DNAJC7: variants seen among roughly 807,000 people sequenced by gnomAD.
DNAJC7 encodes the protein DnaJ heat shock protein family (Hsp40) member C7.
Under a neutral mutation model 67.4 loss-of-function variants are expected in DNAJC7, and 18 were observed. The ratio of observed to expected loss-of-function variants is 0.27; its 90% CI spans 0.18 to 0.40. The LOEUF is 0.40. DNAJC7 is among the 10% of genes least tolerant of loss of function. DNAJC7 has a pLI of 1.00. For synonymous variants in DNAJC7, 220 were observed against 207.8 expected (o/e 1.06, Z -0.50); for missense variants, 419 against 613.8 (o/e 0.68, Z 3.35).
Position 42,000,553 on chromosome 17 carries a change from T to C in DNAJC7, c.95A>G (p.Lys32Arg). 6.2e-7 allele frequency: 1 copy of C among 1,610,930 alleles called. No individual in the cohort carries two copies. Among genetic ancestry groups the C allele is most frequent in the Non-Finnish European group, 8.5e-7 (1 of 1,178,410 alleles). ...QEAKREAETF[K>R]EQGNAYYAKK... ...GGCATAGTATGCATTTCCTTGTTCCTTGAAAGTCTCTGCTTCCCTGAAAAT... is the reference window on the plus strand; with the variant it reads ...GGCATAGTATGCATTTCCTTGTTCCCTGAAAGTCTCTGCTTCCCTGAAAAT... The change falls in exon 2 of 14, where the codon AAG becomes AGG. Residue 32 changes from lysine (K) to arginine (R), a missense_variant. Transcript: ENST00000457167.
intron 1 of DNAJC7, among the ~76,000 whole-genome samples, chr17:42,008,260 C>T (rs1371486316): frequency 2.0e-5 from 3 of 146,744 alleles, no homozygotes; most frequent in South Asian, 2.2e-4. Flanking sequence ...TGCAGTGAGC[C>T]GAGACTGTGC....
At chr17:41,997,055 G>A in intron 3 of DNAJC7, 60 bp downstream of exon 3, 2 of 1,609,586 alleles carry the variant, frequency 1.2e-6, no homozygotes, top group East Asian at 2.2e-5. Flanking sequence ...GAAATACGGG[G>A]CTAGAGAAAC....
chr17:41,999,702 A>G (rs916222731), intron 2 of DNAJC7, among the ~76,000 whole-genome samples: 2 of 151,578 alleles, frequency 1.3e-5, no homozygotes, highest in Non-Finnish European at 2.9e-5. Flanking sequence ...TGTATTTTGT[A>G]GAGACAGGGT....
rs782501691 is a variant in DNAJC7 at position 41,987,805 on chromosome 17, T to C, written c.1010+14A>G. 106 of 1,596,894 alleles carry C rather than the reference T, an allele frequency of 6.6e-5. No homozygotes were observed. The highest frequency in any genetic ancestry group is 8.5e-5 in the Non-Finnish European group (99 of 1,170,616). ...GGCAACTCCCTCTTCCCCCTACCCA[T>C]CAGAGGCACTTACCACTGAGCTCTT... On this transcript the variant is annotated intron_variant, in intron 9 of 13. Transcript: ENST00000457167.
intron 13 of DNAJC7, 131 bp downstream of exon 13, chr17:41,977,130 A>G: frequency 1.1e-6 from 1 of 929,562 alleles, no homozygotes; most frequent in Non-Finnish European, 1.6e-6. Context: ...CCGAGTGGAT[A>G]GATGCCCTGC....
chr17:41,977,208 T>C, intron 13 of DNAJC7, 53 bp downstream of exon 13: 9 of 1,535,200 alleles, frequency 5.9e-6, no homozygotes, highest in Non-Finnish European at 8.0e-6. Context: ...TAAGAGGCAA[T>C]GAGTGTGTTG....
At position 41,976,565 on chromosome 17, in the gene DNAJC7, G is replaced by T; in HGVS notation, c.*168C>A. ...TCCCCTGCCCTCGGTCTTCGGCATT[G>T]GTTCCCTTTGCTCCACCCCACTCAC... is the stretch of plus-strand genomic sequence containing the variant. On this transcript the variant is annotated 3_prime_UTR_variant, in exon 14 of 14. Coordinates refer to ENST00000457167, the MANE Select transcript of DNAJC7 (RefSeq NM_003315.4). 2.4e-5 allele frequency: 18 copies of T among 743,692 alleles called. No individual in the cohort carries two copies. The highest frequency in any genetic ancestry group is 6.9e-5 in the East Asian group (2 of 28,920). 46.1% of individuals were successfully genotyped at this position (743,692 alleles called of 1,614,324 possible).
chr17:41,992,187 T>C (rs1001717286), intron 5 of DNAJC7, among the ~76,000 whole-genome samples: 5 of 152,126 alleles, frequency 3.3e-5, no homozygotes, highest in Non-Finnish European at 7.4e-5. Flanking sequence ...TTTTGTTTTT[T>C]TTGAGATGGA....
At chr17:42,013,763 A>T (rs1390290933) in intron 1 of DNAJC7, 1 of 152,240 alleles carries the variant, frequency 6.6e-6, no homozygotes, top group African/African-American at 2.4e-5. Flanking sequence ...AATCATACAT[A>T]AACAAGGCTT....
intron 5 of DNAJC7, among the ~76,000 whole-genome samples, chr17:41,991,730 G>A (rs1335958552): frequency 6.6e-6 from 1 of 152,140 alleles, no homozygotes; most frequent in Non-Finnish European, 1.5e-5. Context: ...TCAGGCTGGA[G>A]TATCAGTGGC....
At chr17:42,003,949 A>ATTT in intron 1 of DNAJC7, among the ~76,000 whole-genome samples, 3 of 46,350 alleles carry the variant, frequency 6.5e-5, no homozygotes, top group South Asian at 1.5e-3. Context: ...GAAGATTTTC[A>ATTT]ATTTTTTTTT....
chr17:41,996,184 C>T (rs1399387494), intron 4 of DNAJC7, 127 bp downstream of exon 4: 23 of 820,594 alleles, frequency 2.8e-5, no homozygotes, highest in Admixed American at 5.1e-5. Context: ...CTATGAAACT[C>T]GCCTAAAGTC....
chr17:42,016,887 G>A, intron 1 of DNAJC7: 7 of 974,586 alleles, frequency 7.2e-6, no homozygotes, highest in Non-Finnish European at 7.6e-6. Context: ...GTGATCGCTG[G>A]GGTATAATTA....
intron 1 of DNAJC7, among the ~76,000 whole-genome samples, chr17:42,004,707 A>G (rs1356018020): frequency 6.6e-6 from 1 of 152,176 alleles, no homozygotes; most frequent in African/African-American, 2.4e-5. Context: ...TTGCTATTTT[A>G]AAATGTATTT....
At chr17:41,997,359 G>A (rs2143245588) in intron 2 of DNAJC7, 120 bp from the exon 3 acceptor site, 2 of 1,299,122 alleles carry the variant, frequency 1.5e-6, no homozygotes, top group Admixed American at 2.3e-5. Flanking sequence ...GAGGCCAAGA[G>A]GGGAGACCAC....
At chr17:41,977,489 C>T (rs1400977106) in intron 12 of DNAJC7, 166 bp from the exon 13 acceptor site, 2 of 587,324 alleles carry the variant, frequency 3.4e-6, no homozygotes, top group East Asian at 3.0e-5. Context: ...CTGCCCCATC[C>T]CGTGCAAAAC....
chr17:41,978,460 G>A (rs981381203), intron 12 of DNAJC7, among the ~76,000 whole-genome samples: 1 of 152,068 alleles, frequency 6.6e-6, no homozygotes, highest in African/African-American at 2.4e-5. Context: ...CCTACCTTTT[G>A]TGTCTTCCTT....
intron 8 of DNAJC7, 135 bp downstream of exon 8, chr17:41,988,597 G>T: frequency 9.0e-7 from 1 of 1,107,860 alleles, no homozygotes; most frequent in Non-Finnish European, 1.2e-6. Flanking sequence ...TTGGAAGGGA[G>T]TTCCTAACAA....
chr17:41,978,410 T>C (rs1325864857), intron 12 of DNAJC7, among the ~76,000 whole-genome samples: 22 of 152,234 alleles, frequency 1.4e-4, no homozygotes, highest in Non-Finnish European at 4.4e-5. Flanking sequence ...CTGCTGAGTC[T>C]ACCACTAACT....
Sources: gnomAD v4.1 joint callset for allele counts (sites outside exome capture counted in the v4.1 genomes callset) on GRCh38, gnomAD v4.1.1 for gene constraint, MANE v1.5 for transcripts, NCBI Gene and HGNC (gene_info 2026-07-23, HGNC 2026-07-21) for gene names.